ATG16L2: variants seen among roughly 807,000 people sequenced by gnomAD.
ATG16L2 encodes the protein protein Atg16l2.
In ATG16L2, 77 loss-of-function variants were observed where a neutral mutation model predicts 84.7. The observed-to-expected ratio is 0.91, with a 90% confidence interval of 0.76 to 1.10. ATG16L2 has a LOEUF of 1.10. ATG16L2 is among the 50% of genes least tolerant of loss of function. The pLI is 0.00. For synonymous variants in ATG16L2, 361 were observed against 342.8 expected, an observed-to-expected ratio of 1.05 and a Z score of -0.59; for missense variants, 782 against 817.6, an observed-to-expected ratio of 0.96 and a Z score of 0.53.
At chr11:72,826,080 G>A in intron 10 of ATG16L2, 93 bp from the exon 11 acceptor site, 1 of 1,018,150 alleles carries the variant, frequency 9.8e-7, no homozygotes, top group Non-Finnish European at 1.5e-6. Context: ...TCGGGGGGTG[G>A]GGCGGGAACT....
At chr11:72,828,093 C>T (rs1190908424) in intron 14 of ATG16L2, among the ~76,000 whole-genome samples, 2 of 152,224 alleles carry the variant, frequency 1.3e-5, no homozygotes, top group African/African-American at 2.4e-5. Context: ...CTTCATTGCT[C>T]AGATGATATG....
At chr11:72,840,426 TG>T (rs1217822523) in intron 5 of ATG16L2, among the ~76,000 whole-genome samples, 1 of 151,980 alleles carries the variant, frequency 6.6e-6, no homozygotes, top group Non-Finnish European at 1.5e-5. Flanking sequence ...GGCAGTAGAG[TG>T]AAGGGTGAGG....
downstream of ATG16L2, among the ~76,000 whole-genome samples, chr11:72,830,229 C>T (rs1287511679): frequency 6.6e-6 from 1 of 152,150 alleles, no homozygotes; most frequent in Non-Finnish European, 1.5e-5. Context: ...TAGGACTGGG[C>T]ACAGGCCTGT....
Position 72,822,658 on chromosome 11 carries a change from G to A in ATG16L2, c.710+115G>A. On this transcript the variant is annotated intron_variant, in intron 6 of 17. Transcript: ENST00000321297. This position sits in a 1 kb window ranked among gnomAD's most constrained non-coding sequence, Gnocchi z 4.2. Reference sequence around the variant, plus strand: ...CACAGCCCCGTCCTGAGGCCCCCATGTGGTCGGAGCCCACGAGACACCTGC... The same window carrying A: ...CACAGCCCCGTCCTGAGGCCCCCATATGGTCGGAGCCCACGAGACACCTGC... 1 of 1,403,078 alleles carries A rather than the reference G, an allele frequency of 7.1e-7. No individual in the cohort carries two copies. Among genetic ancestry groups the A allele is most frequent in the Non-Finnish European group, 9.7e-7 (1 of 1,030,248 alleles). 86.9% of individuals were successfully genotyped at this position (1,403,078 alleles called of 1,614,324 possible).
exon 6 of ATG16L2, chr11:72,843,115 G>A (rs749593246): frequency 4.1e-5 from 65 of 1,601,936 alleles, no homozygotes; most frequent in Non-Finnish European, 5.0e-5. Context: ...TAGGTCAAAC[G>A]TGACCAAATA....
At chr11:72,828,147 A>AAATC in intron 14 of ATG16L2, among the ~76,000 whole-genome samples, 1 of 143,898 alleles carries the variant, frequency 6.9e-6, no homozygotes, top group African/African-American at 2.5e-5. Flanking sequence ...TCCAGCTTTC[A>AAATC]AATCAAAGTC....
At chr11:72,815,206 T>A (rs1356452432) in intron 1 of ATG16L2, among the ~76,000 whole-genome samples, 1 of 152,168 alleles carries the variant, frequency 6.6e-6, no homozygotes, top group Admixed American at 6.5e-5. Flanking sequence ...GGTGTGGCAT[T>A]TCAAGAGGGG....
At chr11:72,821,558 A>T in intron 3 of ATG16L2, 110 bp from the exon 4 acceptor site, 1 of 1,483,924 alleles carries the variant, frequency 6.7e-7, no homozygotes. Flanking sequence ...CTTGCTTTTC[A>T]GGAAGGGGGC....
At chr11:72,824,349 C>T (rs576911712) in intron 8 of ATG16L2, 17 of 596,864 alleles carry the variant, frequency 2.8e-5, no homozygotes, top group African/African-American at 1.5e-4. Context: ...CATCCAAGGT[C>T]GTCACAGGGG....
rs761102070 is a variant in ATG16L2, at chr11:72,822,047, G to T, written c.396G>T (p.Leu132=). Reference sequence around the variant, plus strand: ...ATCCGCTCTTTCCGTCCTCCAGGCTGGCAGCCCTGGAGGCCCGCGTGGCGC... The same window carrying T: ...ATCCGCTCTTTCCGTCCTCCAGGCTTGCAGCCCTGGAGGCCCGCGTGGCGC... ...ESELQQRQSR[L]AALEARVAQL... Residue 132 remains leucine (L), a synonymous_variant, in exon 5 of 18, where the codon CTG becomes CTT. Transcript: ENST00000321297. This position sits in a 1 kb window ranked among gnomAD's most constrained non-coding sequence, Gnocchi z 4.2. The T allele has an allele frequency of 2.7e-6, 4 of 1,501,814 alleles. No homozygotes were observed. Among genetic ancestry groups the T allele is most frequent in the Admixed American group, 2.4e-5 (1 of 41,374 alleles). 93.0% of individuals were successfully genotyped at this position (1,501,814 alleles called of 1,614,324 possible). A position where few individuals can be genotyped will look rare whatever the true frequency, so the allele number is the denominator to read the frequency against.
At position 72,827,246 on chromosome 11, in the gene ATG16L2, C is replaced by CATCA; in HGVS notation, c.1426_1429dup (p.Ile477AsnfsTer3). 6.2e-7 allele frequency: 1 copy of CATCA among 1,614,098 alleles called. No individual in the cohort carries two copies. The highest frequency in any genetic ancestry group is 1.1e-5 in the South Asian group (1 of 91,078). ...ATGACGTGGTGTGTGGGGACCATAT[C>CATCA]ATCATTAGTGGCCACAATGACCAGA... On this transcript the variant is annotated frameshift_variant, in exon 14 of 18. Transcript: ENST00000321297. LOFTEE classifies it high-confidence loss of function.
At position 72,814,684 on chromosome 11, in the gene ATG16L2, C is replaced by T. The variant is rs1565256988; in HGVS notation, c.118+121C>T. On this transcript the variant is annotated intron_variant, in intron 1 of 17. Transcript: ENST00000321297. ...GTGCGCTGTGCCTTATGCCTTGAGC[C>T]TGTGCGTTACGCCCATCCCGACTGC... 2.8e-5 allele frequency: 20 copies of T among 719,800 alleles called. No homozygotes were observed. In the East Asian group the frequency reaches 6.9e-4, roughly 25 times the overall value. 44.6% of individuals were successfully genotyped at this position (719,800 alleles called of 1,614,324 possible). A position where few individuals can be genotyped will look rare whatever the true frequency, so the allele number is the denominator to read the frequency against.
chr11:72,843,230 A>G, exon 6 of ATG16L2: 1 of 1,614,004 alleles, frequency 6.2e-7, no homozygotes, highest in East Asian at 2.2e-5. Flanking sequence ...GACTGTCCAA[A>G]GCGGCCAGGG....
Position 72,822,624 on chromosome 11 carries a change from G to C in ATG16L2, c.710+81G>C. On this transcript the variant is annotated intron_variant, in intron 6 of 17. Coordinates refer to ENST00000321297, the MANE Select transcript of ATG16L2 (RefSeq NM_033388.2). The surrounding 1 kb of genome is among the most constrained non-coding windows in gnomAD (Gnocchi z 4.2). ...CCTGCGGCGACCCAGGCTGCCGACT[G>C]TACTTGTGCACAGCCCCGTCCTGAG... 2 of 1,552,300 alleles carry C rather than the reference G, an allele frequency of 1.3e-6. No individual in the cohort carries two copies. Among genetic ancestry groups the C allele is most frequent in the South Asian group, 2.3e-5 (2 of 86,004 alleles).
chr11:72,827,254 G>A lies in ATG16L2; in HGVS notation c.1433G>A (p.Ser478Asn). The A allele has an allele frequency of 1.9e-6, 3 of 1,614,132 alleles. No individual in the cohort carries two copies. The highest frequency in any genetic ancestry group is 2.5e-6 in the Non-Finnish European group (3 of 1,180,016). The change falls in exon 14 of 18, where the codon AGT (serine) becomes AAT (asparagine). Residue 478 changes from serine (S) to asparagine (N), a missense_variant. Transcript: ENST00000321297. The stretch of plus-strand genomic sequence containing the variant: ...GTGTGTGGGGACCATATCATCATTA[G>A]TGGCCACAATGACCAGAAGATCCGG... ...DVVCGDHIII[S>N]GHNDQKIRFW...
Position 72,822,666 on chromosome 11 carries a change from A to T in ATG16L2, c.710+123A>T, listed in dbSNP as rs4944806. On this transcript the variant is annotated intron_variant, in intron 6 of 17. Coordinates refer to ENST00000321297, the MANE Select transcript of ATG16L2 (RefSeq NM_033388.2). The surrounding 1 kb of genome is among the most constrained non-coding windows in gnomAD (Gnocchi z 4.2). ...CGTCCTGAGGCCCCCATGTGGTCGG[A>T]GCCCACGAGACACCTGCAGAGGACC... 6 of 1,351,916 alleles carry T rather than the reference A, an allele frequency of 4.4e-6. No individual in the cohort carries two copies. In the African/African-American group the frequency reaches 5.9e-5, roughly 13 times the overall value. The allele number at this position is 1,351,916 out of a possible 1,614,324, so 83.7% of individuals were successfully genotyped here. A position where few individuals can be genotyped will look rare whatever the true frequency, so the allele number is the denominator to read the frequency against.
rs1232435238 is a variant in ATG16L2 at position 72,822,106 on chromosome 11, A to G, written c.455A>G (p.Gln152Arg). 1.9e-5 allele frequency: 29 copies of G among 1,536,898 alleles called. No individual in the cohort carries two copies. The highest frequency in any genetic ancestry group is 2.3e-5 in the Non-Finnish European group (27 of 1,152,454). The change falls in exon 5 of 18, where the codon CAG (glutamine) becomes CGG (arginine). Residue 152 changes from glutamine (Q) to arginine (R), a missense_variant. Transcript: ENST00000321297. This position sits in a 1 kb window ranked among gnomAD's most constrained non-coding sequence, Gnocchi z 4.2. Reference protein sequence around the residue: ...LREARAQQAQQVEEWRAQNAV... With the variant: ...LREARAQQAQRVEEWRAQNAV... ...GAGGCGCGGGCGCAGCAGGCCCAGC[A>G]GGTGGAGGAGTGGCGGGCGCAGAAT...
In ATG16L2 at chr11:72,828,455, C is replaced by G. The variant is rs779506320; in HGVS notation, c.1569C>G (p.Asp523Glu). Residue 523 changes from aspartate to glutamate, a missense_variant, in exon 15 of 18, where the codon GAC (aspartate) becomes GAG (glutamate). Asp to Glu is a conservative substitution (Grantham distance 45, BLOSUM62 2). Transcript: ENST00000321297. ...DQLHLLSCSR[D>E]NTLKVIDLRV... ...TGCACCTGCTCAGCTGTTCCCGAGACAACACACTCAAGGTCATCGACCTGC... is the reference window on the plus strand; with the variant it reads ...TGCACCTGCTCAGCTGTTCCCGAGAGAACACACTCAAGGTCATCGACCTGC... The G allele has an allele frequency of 3.7e-6, 6 of 1,614,220 alleles. No homozygotes were observed.
chr11:72,822,511 G>A lies in ATG16L2; in HGVS notation c.678G>A (p.Lys226=). The A allele has an allele frequency of 1.2e-6, 2 of 1,613,116 alleles. No homozygotes were observed. Among genetic ancestry groups the A allele is most frequent in the Non-Finnish European group, 1.7e-6 (2 of 1,179,536 alleles). The part of the protein sequence containing the change: ...AKQARVSQEL[K]KAAKRTVSIS... ...AGGCGCGGGTGTCCCAGGAGCTGAA[G>A]AAGGCTGCCAAGCGGACCGTGAGCA... is the stretch of plus-strand genomic sequence containing the variant. The change falls in exon 6 of 18, where the codon AAG becomes AAA. Residue 226 remains lysine, a synonymous_variant. Coordinates refer to ENST00000321297, the MANE Select transcript of ATG16L2 (RefSeq NM_033388.2). This position sits in a 1 kb window ranked among gnomAD's most constrained non-coding sequence, Gnocchi z 4.2.
Sources: gnomAD v4.1 joint callset for allele counts (sites outside exome capture counted in the v4.1 genomes callset) on GRCh38, gnomAD v4.1.1 for gene constraint, Gnocchi (gnomAD v3.1) non-coding constraint, MANE v1.5 for transcripts, NCBI Gene and HGNC (gene_info 2026-07-23, HGNC 2026-07-21) for gene names.